FAM13A: variants seen among roughly 807,000 people sequenced by gnomAD.
The protein encoded by FAM13A is family with sequence similarity 13 member A.
Under a neutral mutation model 129.6 loss-of-function variants are expected in FAM13A, and 76 were observed. That is an observed-to-expected ratio of 0.59 (90% confidence interval 0.49 to 0.71). The LOEUF (loss-of-function observed/expected upper bound fraction) is 0.71. Among genes scored for constraint, FAM13A ranks in the 30% least tolerant of loss-of-function variants. The pLI, the probability that FAM13A is intolerant of heterozygous loss-of-function variation, is 0.00. For missense variants in FAM13A, 1,108 were observed against 1,249.3 expected (o/e 0.89, Z 1.70); for synonymous variants, 443 against 449.9 (o/e 0.98, Z 0.20).
rs542538164 is a variant in FAM13A at position 88,897,109 on chromosome 4, C to A, written c.843+9270G>T. Among the ~76,000 whole-genome samples, 8 of 152,302 alleles carry A rather than the reference C, an allele frequency of 5.3e-5. No individual in the cohort carries two copies. The South Asian group carries it at 1.7e-3, about 32-fold the overall frequency. On this transcript the variant is annotated intron_variant, in intron 6 of 23. Transcript: ENST00000264344. ...TGGGTTGTGAGGCTTAGAGCCATAG[C>A]ACCTGTGTCTGGTAGAAGAAAATTT...
At chr4:88,799,222 T>C (rs1344038099) in intron 8 of FAM13A, among the ~76,000 whole-genome samples, 2 of 152,212 alleles carry the variant, frequency 1.3e-5, no homozygotes, top group Admixed American at 1.3e-4. Context: ...TCTGGTTCTG[T>C]GTAGGCACCT....
chr4:88,732,643 AAT>A (rs1249131094), intron 21 of FAM13A: 1 of 150,296 alleles, frequency 6.7e-6, no homozygotes, highest in Non-Finnish European at 1.5e-5. Context: ...AAAAAAAAAA[AAT>A]CAGTCTGAAC....
intron 10 of FAM13A, among the ~76,000 whole-genome samples, chr4:88,782,019 TA>T (rs934445949): frequency 1.6e-4 from 24 of 150,226 alleles, no homozygotes; most frequent in East Asian, 1.4e-3. Flanking sequence ...ATTAAAAAAT[TA>T]AAAAAAAAGA....
intron 3 of FAM13A, among the ~76,000 whole-genome samples, chr4:88,998,031 C>A (rs1175672395): frequency 1.3e-5 from 2 of 152,150 alleles, no homozygotes; most frequent in East Asian, 3.8e-4. Flanking sequence ...AGACTTCAGC[C>A]TTACAACTGC....
intron 5 of FAM13A, among the ~76,000 whole-genome samples, chr4:88,920,390 C>A (rs1488244730): frequency 6.6e-6 from 1 of 152,188 alleles, no homozygotes; most frequent in East Asian, 1.9e-4. Context: ...ATTCGCGGTT[C>A]ACGAAAATCC....
intron 13 of FAM13A, among the ~76,000 whole-genome samples, chr4:88,765,409 C>T (rs1745549423): frequency 6.6e-6 from 1 of 152,010 alleles, no homozygotes; most frequent in African/African-American, 2.4e-5. Flanking sequence ...GCAATGAGAC[C>T]TGAAACAAAA....
intron 2 of FAM13A, 54 bp from the exon 3 acceptor site, chr4:89,020,723 C>A: frequency 8.6e-7 from 1 of 1,167,356 alleles, no homozygotes; most frequent in Non-Finnish European, 1.3e-6. Flanking sequence ...AGACATGAAA[C>A]GTAAAGAATG....
chr4:88,794,949 A>G (rs1251241293), intron 8 of FAM13A, among the ~76,000 whole-genome samples: 1 of 151,868 alleles, frequency 6.6e-6, no homozygotes, highest in Admixed American at 6.6e-5. Context: ...TTATGGTATA[A>G]TGGCTTTCTA....
intron 1 of FAM13A, 127 bp from the exon 2 acceptor site, chr4:89,029,776 A>G: frequency 1.3e-6 from 1 of 777,284 alleles, no homozygotes; most frequent in Non-Finnish European, 2.1e-6. Context: ...TTTTACTTCA[A>G]CTCAAATCAA....
At chr4:88,787,655 G>T in intron 10 of FAM13A, 98 bp downstream of exon 10, 1 of 1,094,624 alleles carries the variant, frequency 9.1e-7, no homozygotes, top group Non-Finnish European at 1.3e-6. Context: ...AATGGGAGAG[G>T]ACCAGGAGGT....
rs937376574 is a variant in FAM13A at position 88,726,189 on chromosome 4, G to A, written c.*2344C>T. On this transcript the variant is annotated 3_prime_UTR_variant, in exon 24 of 24. Transcript: ENST00000264344. ...GGTTGCTGGGGAACACATCTCCCTC[G>A]GCAGAGCCAGAAACCACTGACTGAC... 1 of 152,054 alleles carries A rather than the reference G, an allele frequency of 6.6e-6. No homozygotes were observed. Among genetic ancestry groups the A allele is most frequent in the African/African-American group, 2.4e-5 (1 of 41,404 alleles). 9.4% of individuals were successfully genotyped at this position (152,054 alleles called of 1,614,324 possible). A position where few individuals can be genotyped will look rare whatever the true frequency, so the allele number is the denominator to read the frequency against.
At chr4:89,003,107 A>G (rs961737259) in intron 3 of FAM13A, among the ~76,000 whole-genome samples, 1 of 152,160 alleles carries the variant, frequency 6.6e-6, no homozygotes, top group African/African-American at 2.4e-5. Context: ...AAAAGACTCC[A>G]GGAAATAGCA....
intron 6 of FAM13A, among the ~76,000 whole-genome samples, chr4:88,886,332 T>C (rs1048083071): frequency 5.9e-5 from 9 of 152,206 alleles, no homozygotes; most frequent in Admixed American, 2.0e-4. Flanking sequence ...CTCACACCTG[T>C]AATCCCAGCA....
intron 4 of FAM13A, among the ~76,000 whole-genome samples, chr4:88,945,783 G>GTATATATATATATAATATATATATAT (rs1755580654): frequency 7.9e-6 from 1 of 127,038 alleles, no homozygotes; most frequent in Non-Finnish European, 1.6e-5. Context: ...CTATGTGGTT[G>GTATATATATATATAATATATATATAT]TATATATATA....
At chr4:89,018,472 A>C (rs1340969445) in intron 3 of FAM13A, among the ~76,000 whole-genome samples, 1 of 152,216 alleles carries the variant, frequency 6.6e-6, no homozygotes. Context: ...TTGTTAGGGC[A>C]GATGTAGCAA....
intron 7 of FAM13A, among the ~76,000 whole-genome samples, chr4:88,832,972 A>G (rs767955109): frequency 2.2e-4 from 34 of 152,212 alleles, no homozygotes; most frequent in Non-Finnish European, 4.4e-4. Context: ...AAGACATGGA[A>G]TGAACCCAAA....
At chr4:89,043,114 T>C (rs1479510487) in intron 1 of FAM13A, among the ~76,000 whole-genome samples, 1 of 152,144 alleles carries the variant, frequency 6.6e-6, no homozygotes, top group Non-Finnish European at 1.5e-5. Context: ...GGACCAGCAG[T>C]GGAAAGCTTT....
chr4:88,747,815 G>C lies in FAM13A; in HGVS notation c.2198C>G (p.Pro733Arg). ...KLKISEEDLT[P>R]RMRQRSNTLP... is the part of the protein sequence containing the mutation. ...TGTGTTGCTTCGCTGCCGCATCCTG[G>C]GAGTTAGGTCCTCTTCAGATATCTT... The change falls in exon 18 of 24, where the codon CCC (proline) becomes CGC (arginine). Residue 733 changes from proline (P) to arginine (R), a missense_variant. By Grantham distance (103) the Pro-to-Arg change is moderately radical (BLOSUM62 -2). Transcript: ENST00000264344. The C allele has an allele frequency of 6.2e-7, 1 of 1,614,032 alleles. No individual in the cohort carries two copies. The highest frequency in any genetic ancestry group is 8.5e-7 in the Non-Finnish European group (1 of 1,179,908).
At chr4:88,884,002 A>G (rs547126000) in intron 6 of FAM13A, among the ~76,000 whole-genome samples, 21 of 152,218 alleles carry the variant, frequency 1.4e-4, no homozygotes, top group Admixed American at 1.3e-3. Flanking sequence ...ACAAGCAGCA[A>G]GATTGAAATG....
Sources: gnomAD v4.1 joint callset for allele counts (sites outside exome capture counted in the v4.1 genomes callset) on GRCh38, gnomAD v4.1.1 for gene constraint, MANE v1.5 for transcripts, NCBI Gene and HGNC (gene_info 2026-07-23, HGNC 2026-07-21) for gene names.